PCNX2: variants seen among roughly 807,000 people sequenced by gnomAD.
PCNX2 encodes pecanex 2, also known as pecanex-like protein 2.
Under a neutral mutation model 223.8 loss-of-function variants are expected in PCNX2, and 168 were observed. The observed-to-expected ratio is 0.75, with a 90% confidence interval of 0.66 to 0.85. PCNX2 has a LOEUF of 0.85. PCNX2 is among the 40% of genes least tolerant of loss of function. The pLI is 0.00. For missense variants in PCNX2, 2,507 were observed against 2,675.5 expected (o/e 0.94, Z 1.39); for synonymous variants, 1,006 against 1,052.6 (o/e 0.96, Z 0.86).
At chr1:233,040,175 AGACCTACCTCCTC>A (rs1671593968) in intron 25 of PCNX2, among the ~76,000 whole-genome samples, 1 of 152,182 alleles carries the variant, frequency 6.6e-6, no homozygotes, top group South Asian at 2.1e-4. Context: ...CTATTTCCTA[AGACCTACCTCCTC>A]TAAGACGATT....
chr1:233,262,199 C>G lies in PCNX2; in HGVS notation c.360-34G>C, dbSNP rs753793447. The G allele has an allele frequency of 8.7e-6, 14 of 1,610,122 alleles. No homozygotes were observed. The South Asian group carries it at 1.5e-4, about 18-fold the overall frequency. ...ACATGAGAAACACAAGAGCAGTGAGCGATATTATCAAACAGAAGCATGACT... is the reference window on the plus strand; with the variant it reads ...ACATGAGAAACACAAGAGCAGTGAGGGATATTATCAAACAGAAGCATGACT... On this transcript the variant is annotated intron_variant, in intron 2 of 33. Transcript: ENST00000258229.
At chr1:232,999,448 TTTTC>T (rs1670000458) in intron 30 of PCNX2, 69 bp from the exon 31 acceptor site, 1 of 1,432,824 alleles carries the variant, frequency 7.0e-7, no homozygotes. Context: ...GGTTTTTTCT[TTTTC>T]TTTTTTTTTT....
At chr1:233,299,205 C>A (rs1262383283), upstream of PCNX2, among the ~76,000 whole-genome samples, 1 of 152,170 alleles carries the variant, frequency 6.6e-6, no homozygotes, top group African/African-American at 2.4e-5. Context: ...CTAAATTCCT[C>A]CTCCTCTCAT....
rs145737612 is a variant in PCNX2 at position 232,987,133 on chromosome 1, G to A, written c.5792-593C>T. ...AGGCCCGCAACTACTGGCCAGGCCT[G>A]GGCCTTGCTTCCCATGCTCTTCTCA... is the stretch of plus-strand genomic sequence containing the variant. On this transcript the variant is annotated intron_variant, in intron 32 of 33. Transcript: ENST00000258229. Among the ~76,000 whole-genome samples the A allele has an allele frequency of 1.7e-3, 264 of 152,350 alleles. 1 individual carries two copies. The highest frequency in any genetic ancestry group is 6.0e-3 in the African/African-American group (251 of 41,584).
chr1:233,214,564 C>G (rs1036272098), intron 12 of PCNX2, among the ~76,000 whole-genome samples: 2 of 152,174 alleles, frequency 1.3e-5, no homozygotes, highest in African/African-American at 2.4e-5. Context: ...TCCGGGCACA[C>G]TGCTCTAGTT....
rs538592365 is a variant in PCNX2 at position 233,292,088 on chromosome 1, G to A, written c.153+3238C>T. ...TCACCCAGATCTAAGTACATTCTAG[G>A]GATTATAAATAAATTTGCCTCAATA... On this transcript the variant is annotated intron_variant, in intron 1 of 33. Coordinates refer to ENST00000258229, the MANE Select transcript of PCNX2 (RefSeq NM_014801.4). 7.1e-5 allele frequency: 64 copies of A among 906,788 alleles called. No homozygotes were observed. The African/African-American group carries it at 1.1e-3, about 15-fold the overall frequency. 56.2% of individuals were successfully genotyped at this position (906,788 alleles called of 1,614,324 possible).
chr1:233,246,703 A>G (rs1659144953), intron 8 of PCNX2, among the ~76,000 whole-genome samples: 1 of 152,176 alleles, frequency 6.6e-6, no homozygotes, highest in Non-Finnish European at 1.5e-5. Context: ...TGGTCCTTCC[A>G]TGGGGCAAAA....
rs1426355993 is a variant in PCNX2 at position 233,259,240 on chromosome 1, T to C, written c.622A>G (p.Thr208Ala). The C allele has an allele frequency of 1.2e-6, 2 of 1,614,000 alleles. No homozygotes were observed. Among genetic ancestry groups the C allele is most frequent in the Admixed American group, 3.3e-5 (2 of 60,028 alleles). Residue 208 changes from threonine (T) to alanine (A), a missense_variant, in exon 5 of 34, where the codon ACG (threonine) becomes GCG (alanine). Thr to Ala is a moderately conservative substitution (Grantham distance 58). Coordinates refer to ENST00000258229, the MANE Select transcript of PCNX2 (RefSeq NM_014801.4). ...PASQAHMLET[T>A]TKSVIPVKPV... Reference sequence around the variant, plus strand: ...TTTACAGGTATTACTGACTTGGTCGTGGTTTCCAGCATGTGTGCTTGAGAC... The same window carrying C: ...TTTACAGGTATTACTGACTTGGTCGCGGTTTCCAGCATGTGTGCTTGAGAC...
chr1:233,289,584 CAGACAT>C, intron 1 of PCNX2: 1 of 601,212 alleles, frequency 1.7e-6, no homozygotes, highest in East Asian at 2.8e-5. Flanking sequence ...GGCAGGAAGC[CAGACAT>C]TCAGGTAAAT....
At chr1:233,175,272 G>T (rs1383993971) in intron 17 of PCNX2, among the ~76,000 whole-genome samples, 1 of 152,164 alleles carries the variant, frequency 6.6e-6, no homozygotes, top group Non-Finnish European at 1.5e-5. Context: ...ACTTTTCAGA[G>T]AAATGAACAC....
intron 23 of PCNX2, among the ~76,000 whole-genome samples, chr1:233,064,170 C>G (rs72762089): frequency 0.11 from 16,294 of 152,018 alleles, 979 homozygotes; most frequent in East Asian, 0.16. Flanking sequence ...GGATTGAGAG[C>G]TCCTTTCCAG....
chr1:233,157,103 G>C (rs1383551700), intron 19 of PCNX2, among the ~76,000 whole-genome samples: 1 of 152,146 alleles, frequency 6.6e-6, no homozygotes, highest in Non-Finnish European at 1.5e-5. Context: ...AGGGAAGCCT[G>C]GTAGTGTTAG....
At chr1:233,177,978 C>A in intron 16 of PCNX2, 80 bp from the exon 17 acceptor site, 1 of 1,042,342 alleles carries the variant, frequency 9.6e-7, no homozygotes, top group Non-Finnish European at 1.4e-6. Context: ...CCTTAGATCT[C>A]ACACCCACAC....
intron 23 of PCNX2, chr1:233,058,455 A>G (rs975108303): frequency 2.6e-5 from 4 of 152,190 alleles, no homozygotes; most frequent in African/African-American, 9.7e-5. Context: ...GAAATTGACG[A>G]TAGTCAACTG....
chr1:232,999,198 G>C lies in PCNX2; in HGVS notation c.5510C>G (p.Ser1837Cys). The stretch of plus-strand genomic sequence containing the variant: ...CAGCTGCCTGTGTGTCCCTAGGTAG[G>C]ATGTGGTTAGTGGGGAGACATACAT... ...YPMYVSPLTT[S>C]YLGTHRQLKN... Residue 1837 changes from serine to cysteine, a missense_variant, in exon 31 of 34, where the codon TCC becomes TGC. Transcript: ENST00000258229. The C allele has an allele frequency of 1.2e-6, 2 of 1,613,964 alleles. No individual in the cohort carries two copies. The highest frequency in any genetic ancestry group is 1.7e-6 in the Non-Finnish European group (2 of 1,179,864).
chr1:233,094,517 T>C (rs1674048888), intron 22 of PCNX2, among the ~76,000 whole-genome samples: 1 of 152,278 alleles, frequency 6.6e-6, no homozygotes, highest in South Asian at 2.1e-4. Context: ...AATAGCAACA[T>C]AGAACAATGT....
rs529250465 is a variant in PCNX2 at position 233,169,056 on chromosome 1, C to T, written c.3274-7693G>A. On this transcript the variant is annotated intron_variant, in intron 17 of 33. Transcript: ENST00000258229. ...TGTGTACAATTATATACAAATGATA[C>T]ACATATAATTTGCCTATAGGGTTTT... Among the ~76,000 whole-genome samples, 52 of 152,078 alleles carry T rather than the reference C, an allele frequency of 3.4e-4. No homozygotes were observed. In the South Asian group the frequency reaches 0.01, roughly 30 times the overall value.
At chr1:233,163,913 T>C (rs1330920230) in intron 17 of PCNX2, among the ~76,000 whole-genome samples, 2 of 152,210 alleles carry the variant, frequency 1.3e-5, no homozygotes, top group Non-Finnish European at 2.9e-5. Context: ...TGTATGGATA[T>C]ACCACAATGT....
chr1:233,144,641 TATC>T (rs1484428377), intron 19 of PCNX2, among the ~76,000 whole-genome samples: 1 of 152,172 alleles, frequency 6.6e-6, no homozygotes, highest in Non-Finnish European at 1.5e-5. Flanking sequence ...TGCAGACGAG[TATC>T]TTTTTACATG....
Sources: allele counts gnomAD v4.1 joint callset (sites outside exome capture counted in the v4.1 genomes callset), GRCh38; gene constraint gnomAD v4.1.1; transcripts MANE v1.5; gene names NCBI Gene and HGNC (gene_info 2026-07-23, HGNC 2026-07-21).